The following NUCB1 variants were observed in gnomAD, a reference collection of about 807,000 sequenced individuals.
NUCB1 encodes the protein nucleobindin-1.
NUCB1 carries 47 observed loss-of-function variants against 61.2 expected under a neutral mutation model. That is an observed-to-expected ratio of 0.77 (90% confidence interval 0.61 to 0.98). The LOEUF (loss-of-function observed/expected upper bound fraction) is 0.98, where lower values mean the gene tolerates loss of function less well. NUCB1 is among the 50% of genes least tolerant of loss of function. NUCB1 has a pLI of 0.00. For missense variants in NUCB1, 583 were observed against 605.3 expected, an observed-to-expected ratio of 0.96 and a Z score of 0.39; for synonymous variants, 234 against 243.1, an observed-to-expected ratio of 0.96 and a Z score of 0.35.
In NUCB1 at chr19:48,901,832, T is replaced by C. The variant is rs1022555659; in HGVS notation, c.135+901T>C. On this transcript the variant is annotated intron_variant, in intron 2 of 12. Coordinates refer to ENST00000405315, the MANE Select transcript of NUCB1 (RefSeq NM_006184.6). ...TTACCCCCTGGAACGGATCATTGCA[T>C]GTTCCTGGTCCCCACGCTGCAAGTT... Among the ~76,000 whole-genome samples, 8 of 152,346 alleles carry C rather than the reference T, an allele frequency of 5.3e-5. No homozygotes were observed. In the East Asian group the frequency reaches 1.5e-3, roughly 29 times the overall value.
chr19:48,919,091 G>T lies in NUCB1; in HGVS notation c.878G>T (p.Arg293Leu), dbSNP rs763934546. 74 of 1,614,000 alleles carry T rather than the reference G, an allele frequency of 4.6e-5. No individual in the cohort carries two copies. Among genetic ancestry groups the T allele is most frequent in the Non-Finnish European group, 6.2e-5 (73 of 1,180,024 alleles). ...EDDMREMEEE[R>L]LRMREHVMKN... ...GACATGCGGGAGATGGAGGAGGAGC[G>T]ACTGCGCATGCGGGAGCATGTGATG... The change falls in exon 9 of 13, where the codon CGA (arginine) becomes CTA (leucine). Residue 293 changes from arginine to leucine, a missense_variant. Physicochemically the swap from Arg to Leu is moderately radical, Grantham distance 102. Transcript: ENST00000405315.
At chr19:48,913,421 T>G in intron 6 of NUCB1, 53 bp from the exon 7 acceptor site, 1 of 1,499,268 alleles carries the variant, frequency 6.7e-7, no homozygotes, top group Non-Finnish European at 9.3e-7. Flanking sequence ...TTTGGTTTTA[T>G]CCCATGGCAT....
intron 7 of NUCB1, among the ~76,000 whole-genome samples, chr19:48,916,718 C>T (rs964035325): frequency 6.6e-6 from 1 of 152,064 alleles, no homozygotes; most frequent in Non-Finnish European, 1.5e-5. Flanking sequence ...GAGATCGAGA[C>T]CATCCTGGCC....
chr19:48,903,870 ATGGATGGATGGATGGG>A, intron 2 of NUCB1, among the ~76,000 whole-genome samples: 1 of 103,608 alleles, frequency 9.7e-6, no homozygotes, highest in Non-Finnish European at 1.9e-5. Context: ...GGATGGATGG[ATGGATGGATGGATGGG>A]TGGGTGGATG....
chr19:48,902,974 G>T (rs999920292), intron 2 of NUCB1, among the ~76,000 whole-genome samples: 3 of 151,440 alleles, frequency 2.0e-5, no homozygotes, highest in African/African-American at 7.3e-5. Flanking sequence ...ACAGGGTCTT[G>T]TGCTGGTGCC....
intron 7 of NUCB1, among the ~76,000 whole-genome samples, chr19:48,917,103 G>A (rs920123109): frequency 6.6e-6 from 1 of 151,722 alleles, no homozygotes; most frequent in Non-Finnish European, 1.5e-5. Context: ...TGCATCTGTA[G>A]TCCCAGCTAC....
rs1250241526 is a variant in NUCB1, at chr19:48,913,181, T to C, written c.651T>C (p.Pro217=). The C allele has an allele frequency of 6.2e-7, 1 of 1,612,646 alleles. No homozygotes were observed. The highest frequency in any genetic ancestry group is 1.7e-5 in the Admixed American group (1 of 59,594). ...AACAGCGCCGGCACCGCGAGCACCC[T>C]AAAGTCAACGTGCCTGTGAGGACCC... The part of the protein sequence containing the change: ...EEQQRRHREH[P]KVNVPGSQAQ... The change falls in exon 6 of 13, where the codon CCT becomes CCC. Residue 217 remains proline (P), a synonymous_variant. Coordinates refer to ENST00000405315, the MANE Select transcript of NUCB1 (RefSeq NM_006184.6).
At chr19:48,921,976 C>G in intron 12 of NUCB1, 44 bp downstream of exon 12, 4 of 1,472,874 alleles carry the variant, frequency 2.7e-6, no homozygotes, top group Non-Finnish European at 2.8e-6. Context: ...GGGCTGGACC[C>G]CTGGGTCTGA....
At chr19:48,914,189 T>G (rs559707435) in intron 7 of NUCB1, among the ~76,000 whole-genome samples, 162 of 152,170 alleles carry the variant, frequency 1.1e-3, no homozygotes, top group Non-Finnish European at 1.7e-3. Context: ...TTGGCCAGGC[T>G]GGTCTCGAAC....
intron 11 of NUCB1, 62 bp from the exon 12 acceptor site, chr19:48,921,765 C>G: frequency 6.6e-7 from 1 of 1,506,738 alleles, no homozygotes; most frequent in Non-Finnish European, 9.2e-7. Context: ...GGGACTGAGG[C>G]CTGAGCACTT....
intron 2 of NUCB1, among the ~76,000 whole-genome samples, chr19:48,902,089 G>A (rs934706848): frequency 6.6e-6 from 1 of 152,126 alleles, no homozygotes; most frequent in Non-Finnish European, 1.5e-5. Context: ...TGAACACCAG[G>A]GGTGACAGTC....
At chr19:48,908,726 GTGTGTGTGTGTGTGT>G (rs2037440842) in intron 4 of NUCB1, among the ~76,000 whole-genome samples, 1 of 105,816 alleles carries the variant, frequency 9.5e-6, no homozygotes, top group Admixed American at 9.0e-5. Context: ...CAAGGGGTGT[GTGTGTGTGTGTGTGT>G]GTGTGTGTGT....
chr19:48,921,812 C>T lies in NUCB1; in HGVS notation c.1174-15C>T, dbSNP rs372025807. ...ATCACACCCTCTTGTCTGTGTGACC[C>T]CCCACCTCCCACAGGCTGTGCTGCA... On this transcript the variant is annotated splice_polypyrimidine_tract_variant and intron_variant, in intron 11 of 12. Coordinates refer to ENST00000405315, the MANE Select transcript of NUCB1 (RefSeq NM_006184.6). 5.6e-6 allele frequency: 9 copies of T among 1,608,778 alleles called. No individual in the cohort carries two copies. The African/African-American group carries it at 1.1e-4, about 19-fold the overall frequency.
At chr19:48,904,047 GTGGGTGGATGCATGGATGAA>G (rs2037386292) in intron 2 of NUCB1, among the ~76,000 whole-genome samples, 3 of 151,184 alleles carry the variant, frequency 2.0e-5, no homozygotes, top group South Asian at 2.1e-4. Context: ...GGATGGATGG[GTGGGTGGATGCATGGATGAA>G]TGGGTGGATG....
intron 4 of NUCB1, among the ~76,000 whole-genome samples, chr19:48,908,422 G>A (rs2037434639): frequency 1.3e-5 from 2 of 152,214 alleles, no homozygotes; most frequent in Non-Finnish European, 1.5e-5. Context: ...GAGCCACCCC[G>A]CCTGGCCTCC....
rs2037504262 is a variant in NUCB1 at position 48,913,564 on chromosome 19, G to C, written c.757G>C (p.Asp253His). 6 of 1,612,094 alleles carry C rather than the reference G, an allele frequency of 3.7e-6. No homozygotes were observed. Among genetic ancestry groups the C allele is most frequent in the Non-Finnish European group, 4.2e-6 (5 of 1,178,280 alleles). ...FNPKTFFILH[D>H]INSDGVLDEQ... ...CCCCAAGACCTTCTTCATACTGCAT[G>C]GTAAGGTGGGGAGGGAGTTCCAGAG... Residue 253 changes from aspartate (D) to histidine (H), a missense_variant and splice_region_variant, in exon 7 of 13, where the codon GAT becomes CAT. Coordinates refer to ENST00000405315, the MANE Select transcript of NUCB1 (RefSeq NM_006184.6).
At chr19:48,918,480 CA>C in intron 7 of NUCB1, 1 of 506,662 alleles carries the variant, frequency 2.0e-6, no homozygotes, top group South Asian at 2.4e-5. Flanking sequence ...GACAGTGACC[CA>C]AGCATGTTTC....
intron 7 of NUCB1, among the ~76,000 whole-genome samples, chr19:48,914,322 C>A (rs141013524): frequency 4.2e-4 from 64 of 152,202 alleles, no homozygotes; most frequent in African/African-American, 1.5e-3. Context: ...TCCCCTCAGT[C>A]TGTCTCTTCC....
chr19:48,908,939 C>G (rs1429102152), intron 4 of NUCB1, among the ~76,000 whole-genome samples: 1 of 152,060 alleles, frequency 6.6e-6, no homozygotes, highest in Non-Finnish European at 1.5e-5. Flanking sequence ...CTACCCCTTC[C>G]TGACTACTTG....
Sources: gnomAD v4.1 joint callset for allele counts (sites outside exome capture counted in the v4.1 genomes callset) on GRCh38, gnomAD v4.1.1 for gene constraint, MANE v1.5 for transcripts, NCBI Gene and HGNC (gene_info 2026-07-23, HGNC 2026-07-21) for gene names.